FRMD4A: variants seen among roughly 807,000 people sequenced by gnomAD.
FRMD4A encodes FERM domain containing 4A.
FRMD4A carries 29 observed loss-of-function variants against 129.1 expected under a neutral mutation model. That is an observed-to-expected ratio of 0.22 (90% CI 0.17 to 0.31). FRMD4A has a LOEUF of 0.31. Ranked by LOEUF, FRMD4A falls within the 10% of genes least tolerant of loss-of-function variation. The pLI is 1.00. For synonymous variants in FRMD4A, 634 were observed against 571.6 expected, an observed-to-expected ratio of 1.11 and a Z score of -1.56; for missense variants, 1,272 against 1,375.8, an observed-to-expected ratio of 0.92 and a Z score of 1.19.
intron 2 of FRMD4A, among the ~76,000 whole-genome samples, chr10:14,302,398 T>C (rs1846214281): frequency 6.6e-6 from 1 of 152,232 alleles, no homozygotes; most frequent in Admixed American, 6.5e-5. Flanking sequence ...TCTCACTTTG[T>C]ATTAAAGGAA....
At chr10:13,803,736 G>C (rs11594107) in intron 4 of FRMD4A, among the ~76,000 whole-genome samples, 51,803 of 152,086 alleles carry the variant, frequency 0.34, 10,000 homozygotes, top group Non-Finnish European at 0.44. Context: ...AGTGCTTTCT[G>C]GATCTCCAGT....
intron 3 of FRMD4A, among the ~76,000 whole-genome samples, chr10:13,843,164 C>T (rs6602689): frequency 0.31 from 47,188 of 152,048 alleles, 7,419 homozygotes; most frequent in Non-Finnish European, 0.33. Context: ...TATGCAGGCT[C>T]CAGACAGCCT....
chr10:13,689,191 C>G (rs376935358), intron 15 of FRMD4A, among the ~76,000 whole-genome samples: 1,068 of 55,834 alleles, frequency 0.019, 17 homozygotes, highest in African/African-American at 0.051. Context: ...AGTACACAAA[C>G]TCTTTGCGGG....
intron 2 of FRMD4A, among the ~76,000 whole-genome samples, chr10:14,033,010 T>C (rs527903203): frequency 6.6e-6 from 1 of 152,262 alleles, no homozygotes; most frequent in South Asian, 2.1e-4. Flanking sequence ...TACGTTCTTT[T>C]AAGATAATTG....
chr10:14,061,604 T>G (rs1396507763), intron 2 of FRMD4A, among the ~76,000 whole-genome samples: 1 of 152,226 alleles, frequency 6.6e-6, no homozygotes, highest in African/African-American at 2.4e-5. Flanking sequence ...GAGACTTTTC[T>G]ATCTAATAGA....
chr10:14,132,905 T>G (rs1021770522), intron 2 of FRMD4A, among the ~76,000 whole-genome samples: 1 of 152,164 alleles, frequency 6.6e-6, no homozygotes, highest in African/African-American at 2.4e-5. Flanking sequence ...TCAAGCAGAT[T>G]CAGCAACAAT....
intron 2 of FRMD4A, among the ~76,000 whole-genome samples, chr10:13,871,707 G>T (rs1207176865): frequency 6.6e-6 from 1 of 152,176 alleles, no homozygotes; most frequent in Non-Finnish European, 1.5e-5. Context: ...ACAGCCAGGG[G>T]GCTCTAAACA....
chr10:13,880,741 C>T (rs962005567), intron 2 of FRMD4A, among the ~76,000 whole-genome samples: 1 of 152,122 alleles, frequency 6.6e-6, no homozygotes, highest in Non-Finnish European at 1.5e-5. Flanking sequence ...TGGCTTACCT[C>T]CTCACATCCT....
intron 2 of FRMD4A, among the ~76,000 whole-genome samples, chr10:14,026,507 G>A (rs1832991985): frequency 6.6e-6 from 1 of 152,158 alleles, no homozygotes; most frequent in East Asian, 1.9e-4. Context: ...GAATTAGAGC[G>A]GGTCCCACAG....
chr10:13,859,239 C>T (rs1386050156), intron 2 of FRMD4A, among the ~76,000 whole-genome samples: 2 of 152,054 alleles, frequency 1.3e-5, no homozygotes, highest in African/African-American at 4.8e-5. Context: ...ACAAAATTAG[C>T]CGGGCGTGGT....
chr10:14,226,092 G>A (rs1843425820), intron 2 of FRMD4A, among the ~76,000 whole-genome samples: 1 of 152,044 alleles, frequency 6.6e-6, no homozygotes, highest in African/African-American at 2.4e-5. Context: ...TTCTCTCTCA[G>A]GTCACCTCCC....
At chr10:14,084,156 C>G (rs143557931) in intron 2 of FRMD4A, among the ~76,000 whole-genome samples, 72 of 152,274 alleles carry the variant, frequency 4.7e-4, no homozygotes, top group Non-Finnish European at 8.8e-4. Context: ...GCTTTTTTAA[C>G]TTTTCCTCTA....
chr10:14,301,070 C>T (rs937829815), intron 2 of FRMD4A, among the ~76,000 whole-genome samples: 6 of 152,100 alleles, frequency 3.9e-5, no homozygotes, highest in African/African-American at 1.4e-4. Context: ...TGACCAAGTC[C>T]CCTGTAAAAA....
chr10:13,910,259 TA>T (rs1186326910), intron 2 of FRMD4A, among the ~76,000 whole-genome samples: 16 of 152,236 alleles, frequency 1.1e-4, no homozygotes, highest in African/African-American at 3.6e-4. Flanking sequence ...GAAGACTGCC[TA>T]GCTGCCATGT....
intron 2 of FRMD4A, among the ~76,000 whole-genome samples, chr10:14,009,938 G>A (rs1157048897): frequency 6.6e-6 from 1 of 152,208 alleles, no homozygotes; most frequent in Non-Finnish European, 1.5e-5. Context: ...GAGCATTGGC[G>A]GGGGGTGGGA....
chr10:13,702,913 G>GAA (rs34246612), intron 13 of FRMD4A, among the ~76,000 whole-genome samples: 31 of 131,924 alleles, frequency 2.3e-4, no homozygotes, highest in African/African-American at 8.5e-4. Context: ...AAAAGTGAAG[G>GAA]AAAAAAAAAA....
chr10:13,880,099 G>GT (rs2094530490), intron 2 of FRMD4A, among the ~76,000 whole-genome samples: 1 of 152,032 alleles, frequency 6.6e-6, no homozygotes, highest in South Asian at 2.1e-4. Context: ...TGTCTCCACT[G>GT]TGGTGTCCCC....
At chr10:14,230,941 A>G (rs1843618327) in intron 2 of FRMD4A, among the ~76,000 whole-genome samples, 1 of 152,218 alleles carries the variant, frequency 6.6e-6, no homozygotes, top group Non-Finnish European at 1.5e-5. Flanking sequence ...AGCTGCATCC[A>G]TGTTGCTGCA....
chr10:14,226,432 C>G (rs1843438891), intron 2 of FRMD4A, among the ~76,000 whole-genome samples: 1 of 152,154 alleles, frequency 6.6e-6, no homozygotes, highest in Non-Finnish European at 1.5e-5. Flanking sequence ...TGTGCCTGTT[C>G]CAGAGACCAG....
Sources: allele counts gnomAD v4.1 joint callset (sites outside exome capture counted in the v4.1 genomes callset), GRCh38; gene constraint gnomAD v4.1.1; transcripts MANE v1.5; gene names NCBI Gene and HGNC (gene_info 2026-07-23, HGNC 2026-07-21).